Variants in LAMA3 observed in about 807,000 individuals in gnomAD.
The protein encoded by LAMA3 is laminin subunit alpha-3.
Under a neutral mutation model 402.0 loss-of-function variants are expected in LAMA3, and 281 were observed. That is an observed-to-expected ratio of 0.70 (90% confidence interval 0.63 to 0.77). The LOEUF (loss-of-function observed/expected upper bound fraction) is 0.77. LAMA3 is among the 30% of genes least tolerant of loss of function. The probability of loss-of-function intolerance (pLI) is 0.00; values close to 1 mark genes in which losing one functional copy is unlikely to be tolerated. For synonymous variants in LAMA3, 1,431 were observed against 1,558.4 expected (o/e 0.92, Z 1.93); for missense variants, 3,840 against 4,215.5 (o/e 0.91, Z 2.47).
chr18:23,923,119 C>T (rs2081896299), intron 62 of LAMA3, among the ~76,000 whole-genome samples: 1 of 152,160 alleles, frequency 6.6e-6, no homozygotes, highest in African/African-American at 2.4e-5. Flanking sequence ...TTGCAAAGAG[C>T]TAGAGTACAG....
At chr18:23,811,657 C>T (rs771590877) in intron 13 of LAMA3, among the ~76,000 whole-genome samples, 1 of 151,992 alleles carries the variant, frequency 6.6e-6, no homozygotes, top group Non-Finnish European at 1.5e-5. Context: ...CGAGGTTGGG[C>T]ATGGAAAACA....
intron 66 of LAMA3, 160 bp downstream of exon 66, chr18:23,932,451 T>G: frequency 2.6e-6 from 2 of 761,630 alleles, no homozygotes; most frequent in South Asian, 3.5e-5. Flanking sequence ...GATACACCCA[T>G]TAAAAAACCC....
chr18:23,759,792 A>G (rs1012124021), intron 7 of LAMA3, among the ~76,000 whole-genome samples: 4 of 152,208 alleles, frequency 2.6e-5, no homozygotes, highest in South Asian at 2.1e-4. Flanking sequence ...TGGTCTTCCA[A>G]GGGAGTTTTG....
At chr18:23,700,105 C>T (rs2060764571) in intron 1 of LAMA3, among the ~76,000 whole-genome samples, 1 of 151,994 alleles carries the variant, frequency 6.6e-6, no homozygotes, top group African/African-American at 2.4e-5. Flanking sequence ...TCTAAAGATC[C>T]ATGATCTTTT....
chr18:23,927,369 A>G (rs750152054), intron 62 of LAMA3, among the ~76,000 whole-genome samples: 13 of 152,092 alleles, frequency 8.5e-5, no homozygotes, highest in Non-Finnish European at 1.5e-4. Context: ...AGTTTTCACA[A>G]TGTTGACCAG....
intron 39 of LAMA3, among the ~76,000 whole-genome samples, chr18:23,878,998 CCT>C (rs1194562711): frequency 1.3e-5 from 2 of 151,634 alleles, no homozygotes; most frequent in African/African-American, 4.9e-5. Context: ...AATTCCCCTT[CCT>C]CTCTACTATC....
rs566262748 is a variant in LAMA3, at chr18:23,938,344, T to C, written c.8863-879T>C. On this transcript the variant is annotated intron_variant, in intron 67 of 74. Coordinates refer to ENST00000313654, the MANE Select transcript of LAMA3 (RefSeq NM_198129.4). ...CGCCTGGGAAAAGCGCATGGGCATT[T>C]CAGAACTTGAGCTCTGCGGTGGAGA... Among the ~76,000 whole-genome samples the C allele has an allele frequency of 5.9e-5, 9 of 152,198 alleles. No homozygotes were observed. The South Asian group carries it at 1.7e-3, about 28-fold the overall frequency.
chr18:23,857,124 T>C (rs2064100102), intron 32 of LAMA3, among the ~76,000 whole-genome samples: 1 of 152,164 alleles, frequency 6.6e-6, no homozygotes, highest in African/African-American at 2.4e-5. Context: ...CTGTCCCTCA[T>C]AGGTATGAAA....
At chr18:23,822,924 C>T (rs2063314659) in intron 20 of LAMA3, among the ~76,000 whole-genome samples, 1 of 152,192 alleles carries the variant, frequency 6.6e-6, no homozygotes, top group Non-Finnish European at 1.5e-5. Flanking sequence ...AGCCTCGCCA[C>T]AGGCAGAGAG....
At position 23,950,091 on chromosome 18, in the gene LAMA3, AC is replaced by A. The variant is rs1057517440; in HGVS notation, c.9575del (p.Thr3192MetfsTer4). The part of the protein sequence containing the change: ...LVFSIRPRSL[T>X]GILIHIGSQP... ...TTTCAGCATCCGCCCAAGAAGTCTC[AC>A]TGGGATCCTAATACACATCGGAAGT... is the stretch of plus-strand genomic sequence containing the variant. On this transcript the variant is annotated frameshift_variant, in exon 72 of 75. Coordinates refer to ENST00000313654, the MANE Select transcript of LAMA3 (RefSeq NM_198129.4). LOFTEE classifies it high-confidence loss of function. The A allele has an allele frequency of 6.2e-7, 1 of 1,614,090 alleles. No homozygotes were observed.
intron 58 of LAMA3, 145 bp downstream of exon 58, chr18:23,915,005 C>T (rs2081564799): frequency 1.3e-6 from 1 of 757,374 alleles, no homozygotes; most frequent in African/African-American, 1.7e-5. Context: ...CTAGCTAACA[C>T]TTATTGAGTG....
chr18:23,767,581 T>TC lies in LAMA3; in HGVS notation c.1182+4058_1182+4059insC, dbSNP rs573241247. 1.9e-3 allele frequency among the ~76,000 whole-genome samples: 279 copies of TC among 145,230 alleles called. 1 individual carries two copies. Among genetic ancestry groups the TC allele is most frequent in the Middle Eastern group, 0.014 (4 of 290 alleles). Reference sequence around the variant, plus strand: ...TTTTTTCTTTTTTCTTTCTTTTCTTTTTTTTTTTTTTTTTTAGACAGAGTC... The same window carrying TC: ...TTTTTTCTTTTTTCTTTCTTTTCTTTCTTTTTTTTTTTTTTTAGACAGAGTC... On this transcript the variant is annotated intron_variant, in intron 8 of 74. Transcript: ENST00000313654.
At chr18:23,824,307 G>C in intron 20 of LAMA3, 116 bp from the exon 21 acceptor site, 1 of 996,266 alleles carries the variant, frequency 1.0e-6, no homozygotes. Context: ...AATCTGATCA[G>C]TACATATCAT....
chr18:23,914,379 G>A (rs764368880), intron 56 of LAMA3, 31 bp from the exon 57 acceptor site: 30 of 1,613,636 alleles, frequency 1.9e-5, no homozygotes, highest in African/African-American at 1.5e-4. Flanking sequence ...ACCACAATGT[G>A]AAGTGTTCTG....
At chr18:23,734,519 A>T (rs1468851040) in intron 2 of LAMA3, among the ~76,000 whole-genome samples, 1 of 152,180 alleles carries the variant, frequency 6.6e-6, no homozygotes, top group Non-Finnish European at 1.5e-5. Context: ...GATAGACACA[A>T]ACTCCACTCT....
intron 38 of LAMA3, among the ~76,000 whole-genome samples, chr18:23,874,604 G>T (rs184777711): frequency 3.9e-5 from 6 of 152,192 alleles, no homozygotes; most frequent in Admixed American, 6.5e-5. Context: ...AGCACATGAG[G>T]CTTCTGCCTC....
intron 66 of LAMA3, 32 bp downstream of exon 66, chr18:23,932,323 G>A: frequency 3.7e-6 from 6 of 1,611,850 alleles, no homozygotes; most frequent in Non-Finnish European, 5.1e-6. Flanking sequence ...GGTAACTGAT[G>A]AGAACGGCCT....
intron 38 of LAMA3, among the ~76,000 whole-genome samples, chr18:23,874,050 T>C (rs569906828): frequency 1.6e-4 from 25 of 152,296 alleles, no homozygotes; most frequent in African/African-American, 5.8e-4. Context: ...ACATGATATG[T>C]AACTCTTGCA....
At chr18:23,756,935 C>T (rs1282917688) in intron 6 of LAMA3, among the ~76,000 whole-genome samples, 18 of 146,556 alleles carry the variant, frequency 1.2e-4, no homozygotes, top group African/African-American at 4.3e-4. Flanking sequence ...CCCCGCCCCC[C>T]ACTCCCTTCC....
Sources: gnomAD v4.1 joint callset for allele counts (sites outside exome capture counted in the v4.1 genomes callset) on GRCh38, gnomAD v4.1.1 for gene constraint, MANE v1.5 for transcripts, NCBI Gene and HGNC (gene_info 2026-07-23, HGNC 2026-07-21) for gene names.